Variants in EN2 observed in about 807,000 individuals in gnomAD.
EN2 encodes engrailed homeobox 2.
Under a neutral mutation model 25.0 loss-of-function variants are expected in EN2, and 7 were observed. The ratio of observed to expected loss-of-function variants is 0.28; its 90% CI spans 0.16 to 0.53. The LOEUF (loss-of-function observed/expected upper bound fraction) is 0.53, where lower values mean the gene tolerates loss of function less well. Ranked by LOEUF, EN2 falls within the 20% of genes least tolerant of loss-of-function variation. EN2 has a pLI of 0.96. For synonymous variants in EN2, 277 were observed against 243.3 expected, an observed-to-expected ratio of 1.14 and a Z score of -1.29; for missense variants, 524 against 501.8, an observed-to-expected ratio of 1.04 and a Z score of -0.42.
rs1223255010 is a variant in EN2 at position 155,458,563 on chromosome 7, C to A, written c.186C>A (p.His62Gln). ...TGCAGGCGCCCGGCAACCACCAGCA[C>A]CCGCACCGCATCACCAACTTCTTCA... is the stretch of plus-strand genomic sequence containing the variant. ...AVLQAPGNHQ[H>Q]PHRITNFFID... The change falls in exon 1 of 2, where the codon CAC becomes CAA. Residue 62 changes from histidine (H) to glutamine (Q), a missense_variant. By Grantham distance (24) the His-to-Gln change is conservative. Transcript: ENST00000297375. The A allele has an allele frequency of 6.8e-7, 1 of 1,464,982 alleles. No homozygotes were observed. Among genetic ancestry groups the A allele is most frequent in the Non-Finnish European group, 9.0e-7 (1 of 1,105,392 alleles). 90.7% of individuals were successfully genotyped at this position (1,464,982 alleles called of 1,614,324 possible).
Position 155,458,354 on chromosome 7 carries a change from A to C in EN2, c.-24A>C. On this transcript the variant is annotated 5_prime_UTR_variant, in exon 1 of 2. Transcript: ENST00000297375. ...TTTGGAAGGGCGTCCCCGGAGAACC[A>C]GTGTGGGATTTACTGTGAACAGCAT... 7.8e-7 allele frequency: 1 copy of C among 1,285,592 alleles called. No homozygotes were observed. The highest frequency in any genetic ancestry group is 9.9e-7 in the Non-Finnish European group (1 of 1,009,242). The allele number at this position is 1,285,592 out of a possible 1,614,324, so 79.6% of individuals were successfully genotyped here.
intron 1 of EN2, among the ~76,000 whole-genome samples, chr7:155,460,676 G>A (rs1795684869): frequency 6.6e-6 from 1 of 152,158 alleles, no homozygotes; most frequent in African/African-American, 2.4e-5. Context: ...GGCTCTGGGA[G>A]CAGGAGGCTG....
In EN2 at chr7:155,464,517, A is replaced by G. The variant is rs570301953; in HGVS notation, c.*1830A>G. The G allele has an allele frequency of 6.5e-6, 1 of 152,680 alleles. No homozygotes were observed. Among genetic ancestry groups the G allele is most frequent in the Non-Finnish European group, 1.5e-5 (1 of 68,044 alleles). 9.5% of individuals were successfully genotyped at this position (152,680 alleles called of 1,614,324 possible). The stretch of plus-strand genomic sequence containing the variant: ...TAGTGTAAACCTTTTTAAAAAGGAA[A>G]GTATAAAAACAAAAGTTGTAATTTA... On this transcript the variant is annotated 3_prime_UTR_variant, in exon 2 of 2. Coordinates refer to ENST00000297375, the MANE Select transcript of EN2 (RefSeq NM_001427.4).
In EN2 at chr7:155,458,720, G is replaced by T. The variant is rs1402866144; in HGVS notation, c.343G>T (p.Ala115Ser). Reference protein sequence around the residue: ...GASGAEGGGGAGGSEQLLGSG... With the variant: ...GASGAEGGGGSGGSEQLLGSG... ...GAGCGGTGCGGAGGGAGGCGGCGGCGCGGGCGGCTCGGAGCAGCTCTTGGG... is the reference window on the plus strand; with the variant it reads ...GAGCGGTGCGGAGGGAGGCGGCGGCTCGGGCGGCTCGGAGCAGCTCTTGGG... The change falls in exon 1 of 2, where the codon GCG becomes TCG. Residue 115 changes from alanine (A) to serine (S), a missense_variant. Transcript: ENST00000297375. 1 of 1,329,086 alleles carries T rather than the reference G, an allele frequency of 7.5e-7. No individual in the cohort carries two copies. Among genetic ancestry groups the T allele is most frequent in the South Asian group, 2.0e-5 (1 of 48,804 alleles). The allele number at this position is 1,329,086 out of a possible 1,614,324, so 82.3% of individuals were successfully genotyped here.
At chr7:155,459,165 C>A (rs1476138109) in intron 1 of EN2, 103 bp downstream of exon 1, 4 of 1,239,666 alleles carry the variant, frequency 3.2e-6, no homozygotes, top group Non-Finnish European at 4.3e-6. Context: ...ACATCTCGAA[C>A]CTCCCCCGCG....
rs1287571022 is a variant in EN2, at chr7:155,458,670, G to A, written c.293G>A (p.Gly98Asp). The change falls in exon 1 of 2, where the codon GGC (glycine) becomes GAC (aspartate). Residue 98 changes from glycine (G) to aspartate (D), a missense_variant. Gly to Asp is a moderately conservative substitution (Grantham distance 94, BLOSUM62 -1). Coordinates refer to ENST00000297375, the MANE Select transcript of EN2 (RefSeq NM_001427.4). ...CCAGAGGGRG[G>D]GAGGEGGASG... is the part of the protein sequence containing the mutation. ...GCGGGCGCGGGAGGAGGAAGGGGCG[G>A]CGGAGCCGGCGGCGAAGGCGGCGCG... The A allele has an allele frequency of 1.3e-5, 18 of 1,361,702 alleles. No homozygotes were observed. The highest frequency in any genetic ancestry group is 1.7e-5 in the Non-Finnish European group (18 of 1,061,708). The allele number at this position is 1,361,702 out of a possible 1,614,324, so 84.4% of individuals were successfully genotyped here.
In EN2 at chr7:155,458,264, C is replaced by T. The variant is rs1457765716; in HGVS notation, c.-114C>T. On this transcript the variant is annotated 5_prime_UTR_variant, in exon 1 of 2. Transcript: ENST00000297375. ...TGGCCGCGGCCGCCGCGCACGCCCT[C>T]GGAAGACTCGGCGGGGTGGGGGCGC... The T allele has an allele frequency of 1.6e-6, 2 of 1,232,720 alleles. No homozygotes were observed. The highest frequency in any genetic ancestry group is 2.0e-6 in the Non-Finnish European group (2 of 977,388). The allele number at this position is 1,232,720 out of a possible 1,614,324, so 76.4% of individuals were successfully genotyped here. A position where few individuals can be genotyped will look rare whatever the true frequency, so the allele number is the denominator to read the frequency against.
At position 155,458,845 on chromosome 7, in the gene EN2, C is replaced by A; in HGVS notation, c.468C>A (p.Gly156=). Reference sequence around the variant, plus strand: ...GCGACTCTCCGGGTGACGGGGAAGGCGGCTCCAAGACGCTCTCGCTGCACG... The same window carrying A: ...GCGACTCTCCGGGTGACGGGGAAGGAGGCTCCAAGACGCTCTCGCTGCACG... ...AGSDSPGDGE[G]GSKTLSLHGG... Residue 156 remains glycine, a synonymous_variant, in exon 1 of 2, where the codon GGC becomes GGA. Transcript: ENST00000297375. The A allele has an allele frequency of 1.4e-6, 2 of 1,475,674 alleles. No homozygotes were observed. The highest frequency in any genetic ancestry group is 2.4e-5 in the Admixed American group (1 of 41,214). The allele number at this position is 1,475,674 out of a possible 1,614,324, so 91.4% of individuals were successfully genotyped here. A position where few individuals can be genotyped will look rare whatever the true frequency, so the allele number is the denominator to read the frequency against.
At chr7:155,459,172 C>T in intron 1 of EN2, 110 bp downstream of exon 1, 1 of 1,170,588 alleles carries the variant, frequency 8.5e-7, no homozygotes, top group Non-Finnish European at 1.2e-6. Context: ...GAACCTCCCC[C>T]GCGCACACGC....
In EN2 at chr7:155,458,517, C is replaced by A; in HGVS notation, c.140C>A (p.Ala47Asp). ...GAAGCGGACACCGGGCGCCGGCGGGCTCTGATGCTGCCCGCGGTCCTGCAG... is the reference window on the plus strand; with the variant it reads ...GAAGCGGACACCGGGCGCCGGCGGGATCTGATGCTGCCCGCGGTCCTGCAG... ...PGEADTGRRR[A>D]LMLPAVLQAP... Residue 47 changes from alanine (A) to aspartate (D), a missense_variant, in exon 1 of 2, where the codon GCT becomes GAT. Ala to Asp is a moderately radical substitution (Grantham distance 126). Coordinates refer to ENST00000297375, the MANE Select transcript of EN2 (RefSeq NM_001427.4). 1 of 1,347,092 alleles carries A rather than the reference C, an allele frequency of 7.4e-7. No homozygotes were observed. The allele number at this position is 1,347,092 out of a possible 1,614,324, so 83.4% of individuals were successfully genotyped here.
In EN2 at chr7:155,458,509, C is replaced by T. The variant is rs1394918547; in HGVS notation, c.132C>T (p.Arg44=). ...GCCCGGGCGAAGCGGACACCGGGCG[C>T]CGGCGGGCTCTGATGCTGCCCGCGG... ...GSSPGEADTG[R]RRALMLPAVL... Residue 44 remains arginine (R), a synonymous_variant, in exon 1 of 2, where the codon CGC becomes CGT. Transcript: ENST00000297375. The T allele has an allele frequency of 1.5e-6, 2 of 1,327,088 alleles. No homozygotes were observed. The highest frequency in any genetic ancestry group is 3.1e-5 in the East Asian group (1 of 32,168). The allele number at this position is 1,327,088 out of a possible 1,614,324, so 82.2% of individuals were successfully genotyped here.
At chr7:155,459,469 C>T (rs1300737631) in intron 1 of EN2, among the ~76,000 whole-genome samples, 1 of 152,230 alleles carries the variant, frequency 6.6e-6, no homozygotes, top group Non-Finnish European at 1.5e-5. Flanking sequence ...TGCACACTCT[C>T]ATCCCCTTCC....
intron 1 of EN2, among the ~76,000 whole-genome samples, chr7:155,460,245 C>CG (rs1236237463): frequency 6.6e-6 from 1 of 152,200 alleles, no homozygotes; most frequent in Non-Finnish European, 1.5e-5. Context: ...CGAGGAGACT[C>CG]GGCCGGGCTT....
intron 1 of EN2, among the ~76,000 whole-genome samples, chr7:155,459,606 CT>C (rs1795672175): frequency 6.6e-6 from 1 of 152,268 alleles, no homozygotes; most frequent in South Asian, 2.1e-4. Context: ...GCTCTGCCTT[CT>C]GCCCCTCGGG....
At position 155,458,563 on chromosome 7, in the gene EN2, C is replaced by T. The variant is rs1223255010; in HGVS notation, c.186C>T (p.His62=). Residue 62 remains histidine, a synonymous_variant, in exon 1 of 2, where the codon CAC becomes CAT. Coordinates refer to ENST00000297375, the MANE Select transcript of EN2 (RefSeq NM_001427.4). ...TGCAGGCGCCCGGCAACCACCAGCA[C>T]CCGCACCGCATCACCAACTTCTTCA... ...AVLQAPGNHQ[H]PHRITNFFID... 1.4e-6 allele frequency: 2 copies of T among 1,464,982 alleles called. No homozygotes were observed. The highest frequency in any genetic ancestry group is 2.9e-5 in the East Asian group (1 of 34,098). The allele number at this position is 1,464,982 out of a possible 1,614,324, so 90.7% of individuals were successfully genotyped here.
At position 155,463,446 on chromosome 7, in the gene EN2, C is replaced by A; in HGVS notation, c.*759C>A. 6.5e-6 allele frequency: 1 copy of A among 153,324 alleles called. No individual in the cohort carries two copies. Among genetic ancestry groups the A allele is most frequent in the South Asian group, 2.0e-4 (1 of 4,884 alleles). 9.5% of individuals were successfully genotyped at this position (153,324 alleles called of 1,614,324 possible). A position where few individuals can be genotyped will look rare whatever the true frequency, so the allele number is the denominator to read the frequency against. On this transcript the variant is annotated 3_prime_UTR_variant, in exon 2 of 2. Transcript: ENST00000297375. ...TCCTCTTCCTCCTTCCTCCTTCCTC[C>A]TGCTCCTCCTTTCTTCTTCTTTTTC... is the stretch of plus-strand genomic sequence containing the variant.
Position 155,464,346 on chromosome 7 carries a change from CA to C in EN2, c.*1660del, listed in dbSNP as rs758514907. 5 of 152,284 alleles carry C rather than the reference CA, an allele frequency of 3.3e-5. No homozygotes were observed. The highest frequency in any genetic ancestry group is 7.3e-5 in the Non-Finnish European group (5 of 68,046). 9.4% of individuals were successfully genotyped at this position (152,284 alleles called of 1,614,324 possible). ...CTGTCCATCTGTGGCTGGGACAGCC[CA>C]GGGGGTGTGCCCACGGCTGACCCAG... On this transcript the variant is annotated 3_prime_UTR_variant, in exon 2 of 2. Transcript: ENST00000297375.
In EN2 at chr7:155,464,276, C is replaced by A. The variant is rs549371674; in HGVS notation, c.*1589C>A. ...AAACAAACACATTATCTATATATAA[C>A]GCCACACTGTCTTCTGTTTAGTGTA... is the stretch of plus-strand genomic sequence containing the variant. On this transcript the variant is annotated 3_prime_UTR_variant, in exon 2 of 2. Coordinates refer to ENST00000297375, the MANE Select transcript of EN2 (RefSeq NM_001427.4). 6.6e-6 allele frequency: 1 copy of A among 152,354 alleles called. No individual in the cohort carries two copies. The highest frequency in any genetic ancestry group is 1.9e-4 in the East Asian group (1 of 5,186). The allele number at this position is 152,354 out of a possible 1,614,324, so 9.4% of individuals were successfully genotyped here.
At position 155,458,619 on chromosome 7, in the gene EN2, G is replaced by A. The variant is rs1319270236; in HGVS notation, c.242G>A (p.Arg81Gln). Residue 81 changes from arginine (R) to glutamine (Q), a missense_variant, in exon 1 of 2, where the codon CGG (arginine) becomes CAG (glutamine). By Grantham distance (43) the Arg-to-Gln change is conservative (BLOSUM62 1). Coordinates refer to ENST00000297375, the MANE Select transcript of EN2 (RefSeq NM_001427.4). ...IDNILRPEFG[R>Q]RKDAGTCCAG... is the part of the protein sequence containing the mutation. ...AACATCCTGCGGCCCGAGTTCGGCC[G>A]GCGAAAGGACGCGGGGACCTGCTGT... is the stretch of plus-strand genomic sequence containing the variant. The A allele has an allele frequency of 3.4e-6, 5 of 1,463,342 alleles. No individual in the cohort carries two copies. Among genetic ancestry groups the A allele is most frequent in the Non-Finnish European group, 4.5e-6 (5 of 1,105,574 alleles). The allele number at this position is 1,463,342 out of a possible 1,614,324, so 90.6% of individuals were successfully genotyped here. A position where few individuals can be genotyped will look rare whatever the true frequency, so the allele number is the denominator to read the frequency against.
Sources: gnomAD v4.1 joint callset for allele counts (sites outside exome capture counted in the v4.1 genomes callset) on GRCh38, gnomAD v4.1.1 for gene constraint, MANE v1.5 for transcripts, NCBI Gene and HGNC (gene_info 2026-07-23, HGNC 2026-07-21) for gene names.